The following AOPEP variants were observed in gnomAD, a reference collection of about 807,000 sequenced individuals.
The protein encoded by AOPEP is aminopeptidase O.
Under a neutral mutation model 98.1 loss-of-function variants are expected in AOPEP, and 77 were observed. The observed-to-expected ratio is 0.78, with a 90% CI of 0.65 to 0.95. AOPEP has a LOEUF of 0.95. Among genes scored for constraint, AOPEP ranks in the 40% least tolerant of loss-of-function variants. AOPEP has a pLI of 0.00. For missense variants in AOPEP, 1,024 were observed against 1,024.7 expected (o/e 1.00, Z 0.01); for synonymous variants, 346 against 365.3 (o/e 0.95, Z 0.60).
intron 5 of AOPEP, among the ~76,000 whole-genome samples, chr9:94,892,170 G>A (rs974505937): frequency 6.6e-6 from 1 of 151,958 alleles, no homozygotes; most frequent in Non-Finnish European, 1.5e-5. Context: ...GGGTTTCTTT[G>A]GGTTTATCCT....
intron 5 of AOPEP, among the ~76,000 whole-genome samples, chr9:94,907,356 T>G (rs1259800967): frequency 6.6e-6 from 1 of 152,108 alleles, no homozygotes; most frequent in Non-Finnish European, 1.5e-5. Flanking sequence ...ACTGAAGAAC[T>G]GAGAGACCCA....
chr9:95,107,541 A>G, the AOPEP span: 12 of 551,110 alleles, frequency 2.2e-5, no homozygotes, highest in South Asian at 1.5e-4. Flanking sequence ...GAAACAGAGA[A>G]AAGTTCTCAA....
At chr9:95,087,380 G>T (rs1287335373), downstream of AOPEP, among the ~76,000 whole-genome samples, 1 of 143,842 alleles carries the variant, frequency 7.0e-6, no homozygotes, top group Non-Finnish European at 1.5e-5. Context: ...CTACTCGGGA[G>T]ACTGAGGCAG....
At chr9:94,893,497 G>T (rs141297597) in intron 5 of AOPEP, among the ~76,000 whole-genome samples, 9 of 152,220 alleles carry the variant, frequency 5.9e-5, no homozygotes, top group African/African-American at 2.2e-4. Context: ...AGAAAAAGAG[G>T]TATATAAGCC....
At chr9:94,987,648 C>T (rs910785747) in intron 11 of AOPEP, among the ~76,000 whole-genome samples, 2 of 152,186 alleles carry the variant, frequency 1.3e-5, no homozygotes, top group Admixed American at 6.5e-5. Context: ...TGTTCTGCTC[C>T]TGAATAATAG....
At chr9:94,931,919 C>G (rs2055379407) in intron 7 of AOPEP, 1 of 1,139,608 alleles carries the variant, frequency 8.8e-7, no homozygotes, top group Non-Finnish European at 1.2e-6. Flanking sequence ...TTAACAGTCT[C>G]CACTTCAATA....
At chr9:94,994,660 T>C (rs2061109681) in intron 11 of AOPEP, among the ~76,000 whole-genome samples, 2 of 152,182 alleles carry the variant, frequency 1.3e-5, no homozygotes, top group African/African-American at 2.4e-5. Context: ...TGTAGAAATA[T>C]CAGATTTCAG....
chr9:94,902,963 A>G (rs913801307), intron 5 of AOPEP, among the ~76,000 whole-genome samples: 1 of 140,684 alleles, frequency 7.1e-6, no homozygotes, highest in South Asian at 2.5e-4. Flanking sequence ...CTGAGGCAGG[A>G]GAATCTCTTG....
chr9:95,141,742 T>A, the AOPEP span, among the ~76,000 whole-genome samples: 1 of 152,120 alleles, frequency 6.6e-6, no homozygotes, highest in Non-Finnish European at 1.5e-5. Context: ...TACTAATACA[T>A]AAGTTAGTCA....
intron 5 of AOPEP, among the ~76,000 whole-genome samples, chr9:94,834,331 A>G (rs1261828088): frequency 6.6e-6 from 1 of 152,206 alleles, no homozygotes; most frequent in Non-Finnish European, 1.5e-5. Context: ...ATACCAACCA[A>G]TTACAGCGTG....
chr9:94,900,548 A>ATCT (rs1172066480), intron 5 of AOPEP: 1 of 152,128 alleles, frequency 6.6e-6, no homozygotes, highest in Non-Finnish European at 1.5e-5. Context: ...CCTCCTCCTC[A>ATCT]TCTTCTTCTT....
chr9:94,731,487 A>G (rs567378151), intron 1 of AOPEP, among the ~76,000 whole-genome samples: 204 of 152,118 alleles, frequency 1.3e-3, no homozygotes, highest in African/African-American at 4.8e-3. Context: ...CAGCCTCCCA[A>G]AGTGCTGGGA....
chr9:94,752,102 T>C (rs1835935784), intron 1 of AOPEP, among the ~76,000 whole-genome samples: 1 of 152,012 alleles, frequency 6.6e-6, no homozygotes, highest in East Asian at 1.9e-4. Context: ...TACCCGGGCT[T>C]GTCTTGAACT....
chr9:95,146,454 C>T, the AOPEP span, among the ~76,000 whole-genome samples: 2 of 120,290 alleles, frequency 1.7e-5, no homozygotes, highest in East Asian at 2.6e-4. Flanking sequence ...CACCACTGCA[C>T]TCCAGCCTAT....
intron 5 of AOPEP, among the ~76,000 whole-genome samples, chr9:94,868,749 C>T (rs979815285): frequency 3.3e-5 from 5 of 152,204 alleles, no homozygotes; most frequent in Admixed American, 6.5e-5. Flanking sequence ...GTTACCTTCC[C>T]TGATTTCATT....
intron 5 of AOPEP, among the ~76,000 whole-genome samples, chr9:94,828,223 C>A (rs549163394): frequency 6.6e-6 from 1 of 152,144 alleles, no homozygotes. Context: ...TGATGAAGCC[C>A]AATTTATCTA....
At chr9:95,086,491 C>T (rs954827856) in intron 16 of AOPEP, 191 bp from the exon 17 acceptor site, 5 of 985,374 alleles carry the variant, frequency 5.1e-6, no homozygotes, top group East Asian at 1.1e-4. Context: ...GTCATGGCCA[C>T]GTGTGAGCAG....
intron 5 of AOPEP, among the ~76,000 whole-genome samples, chr9:94,839,626 T>C (rs945171637): frequency 6.6e-6 from 1 of 152,222 alleles, no homozygotes; most frequent in Non-Finnish European, 1.5e-5. Context: ...TTATTTCTCA[T>C]TTATTCTGTG....
At chr9:95,099,731 G>A in the AOPEP span, 5 of 232,402 alleles carry the variant, frequency 2.2e-5, no homozygotes, top group South Asian at 1.8e-4. Context: ...AAGCACCACC[G>A]GCAAGGCCGC....
Sources: allele counts gnomAD v4.1 joint callset (sites outside exome capture counted in the v4.1 genomes callset), GRCh38; gene constraint gnomAD v4.1.1; transcripts MANE v1.5; gene names NCBI Gene and HGNC (gene_info 2026-07-23, HGNC 2026-07-21).